MACROD2: variants seen among roughly 807,000 people sequenced by gnomAD.
MACROD2 encodes mono-ADP ribosylhydrolase 2.
In MACROD2, 36 loss-of-function variants were observed where a neutral mutation model predicts 70.4. The observed-to-expected ratio is 0.51, with a 90% confidence interval of 0.39 to 0.68. The LOEUF is 0.68. MACROD2 is among the 30% of genes least tolerant of loss of function. The pLI, the probability that MACROD2 is intolerant of heterozygous loss-of-function variation, is 0.00. For missense variants in MACROD2, 496 were observed against 538.4 expected, an observed-to-expected ratio of 0.92 and a Z score of 0.78; for synonymous variants, 172 against 178.8, an observed-to-expected ratio of 0.96 and a Z score of 0.30.
intron 5 of MACROD2, among the ~76,000 whole-genome samples, chr20:15,082,979 C>T (rs956177173): frequency 1.3e-5 from 2 of 152,148 alleles, no homozygotes; most frequent in African/African-American, 2.4e-5. Context: ...CCTGAAGTTT[C>T]GTTCACCCTG....
At chr20:15,545,394 C>T (rs752216778) in intron 8 of MACROD2, among the ~76,000 whole-genome samples, 3 of 152,076 alleles carry the variant, frequency 2.0e-5, no homozygotes, top group African/African-American at 7.2e-5. Context: ...CATATTTAGT[C>T]CTAATTTCTT....
chr20:15,013,793 C>T (rs1371327402), intron 5 of MACROD2, among the ~76,000 whole-genome samples: 1 of 152,166 alleles, frequency 6.6e-6, no homozygotes, highest in Non-Finnish European at 1.5e-5. Flanking sequence ...TCCAGGGAGC[C>T]CAACCTACAA....
Position 14,874,246 on chromosome 20 carries a change from C to A in MACROD2, c.418+189287C>A, listed in dbSNP as rs454965. On this transcript the variant is annotated intron_variant, in intron 5 of 17. Transcript: ENST00000684519. ...AATCACAGAACCAGTAAAGAAATATCTGTGACTTGAGGGTCTCAGGAAGGC... is the reference window on the plus strand; with the variant it reads ...AATCACAGAACCAGTAAAGAAATATATGTGACTTGAGGGTCTCAGGAAGGC... 3.3e-3 allele frequency among the ~76,000 whole-genome samples: 501 copies of A among 151,834 alleles called. 1 individual carries two copies. The highest frequency in any genetic ancestry group is 5.9e-3 in the Non-Finnish European group (404 of 67,950).
rs546468063 is a variant in MACROD2 at position 15,151,359 on chromosome 20, C to T, written c.419-78581C>T. Reference sequence around the variant, plus strand: ...GCTGCGGTTCAGGCGTTTGGAAGTTCTTGTGTGCTGGAGATGTGGCTGGGG... The same window carrying T: ...GCTGCGGTTCAGGCGTTTGGAAGTTTTTGTGTGCTGGAGATGTGGCTGGGG... On this transcript the variant is annotated intron_variant, in intron 5 of 17. Transcript: ENST00000684519. 6.3e-3 allele frequency among the ~76,000 whole-genome samples: 964 copies of T among 152,070 alleles called. 8 individuals are homozygous for T. Among genetic ancestry groups the T allele is most frequent in the Non-Finnish European group, 0.011 (714 of 67,998 alleles).
At chr20:14,341,606 C>T (rs2083013620) in intron 3 of MACROD2, among the ~76,000 whole-genome samples, 1 of 152,060 alleles carries the variant, frequency 6.6e-6, no homozygotes, top group Non-Finnish European at 1.5e-5. Flanking sequence ...ACCATGCACT[C>T]CAGCTTGGGC....
intron 4 of MACROD2, among the ~76,000 whole-genome samples, chr20:14,529,493 A>G (rs1015205973): frequency 2.6e-5 from 4 of 152,218 alleles, no homozygotes; most frequent in African/African-American, 9.6e-5. Flanking sequence ...TTATATGACA[A>G]TAATTTTCAT....
intron 3 of MACROD2, among the ~76,000 whole-genome samples, chr20:14,278,062 G>A (rs1210726328): frequency 6.6e-6 from 1 of 152,210 alleles, no homozygotes; most frequent in Non-Finnish European, 1.5e-5. Flanking sequence ...AGACAAGTGA[G>A]AGGAGTTATA....
intron 8 of MACROD2, among the ~76,000 whole-genome samples, chr20:15,751,849 G>A (rs2051275412): frequency 1.3e-5 from 2 of 150,924 alleles, no homozygotes; most frequent in South Asian, 4.2e-4. Flanking sequence ...GGTTGCAGCT[G>A]GTTTTTGTGT....
At chr20:14,969,569 C>T (rs940321066) in intron 5 of MACROD2, among the ~76,000 whole-genome samples, 2 of 151,758 alleles carry the variant, frequency 1.3e-5, no homozygotes, top group Admixed American at 6.6e-5. Context: ...TCTTTGTAGT[C>T]GTAAGAAAAA....
intron 15 of MACROD2, among the ~76,000 whole-genome samples, chr20:16,016,799 C>T (rs2066936015): frequency 6.6e-6 from 1 of 152,198 alleles, no homozygotes; most frequent in Non-Finnish European, 1.5e-5. Context: ...ATCTGCAATT[C>T]TTAGTCTCCT....
At position 14,685,102 on chromosome 20, in the gene MACROD2, C is replaced by T. The variant is rs1029717211; in HGVS notation, c.418+143C>T. The T allele has an allele frequency of 2.6e-5, 15 of 578,250 alleles. No homozygotes were observed. In the Admixed American group the frequency reaches 3.5e-4, roughly 14 times the overall value. The allele number at this position is 578,250 out of a possible 1,614,324, so 35.8% of individuals were successfully genotyped here. On this transcript the variant is annotated intron_variant, in intron 5 of 17. Transcript: ENST00000684519. ...CAGATTTTGTACATGGTAATAAAAACGTGCTTTCCAAGTATGTCTCCAAAT... is the reference window on the plus strand; with the variant it reads ...CAGATTTTGTACATGGTAATAAAAATGTGCTTTCCAAGTATGTCTCCAAAT...
intron 8 of MACROD2, among the ~76,000 whole-genome samples, chr20:15,707,825 A>C (rs1230512854): frequency 6.6e-6 from 1 of 152,004 alleles, no homozygotes; most frequent in Non-Finnish European, 1.5e-5. Context: ...AACGTAAAAA[A>C]AAAAATCCCT....
intron 5 of MACROD2, among the ~76,000 whole-genome samples, chr20:14,824,100 A>G (rs543882412): frequency 6.6e-6 from 1 of 152,236 alleles, no homozygotes; most frequent in African/African-American, 2.4e-5. Context: ...ATTTATCTAT[A>G]TGGTAATCAT....
Position 14,897,329 on chromosome 20 carries a change from TTCA to T in MACROD2, c.418+212374_418+212376del, listed in dbSNP as rs1203038201. 5.3e-5 allele frequency among the ~76,000 whole-genome samples: 8 copies of T among 152,210 alleles called. 2 individuals carry two copies. In the East Asian group the frequency reaches 1.5e-3, roughly 29 times the overall value. ...AGTCTTATCAAATTCTGAGATGAACTTCATCACTTATTTAAAAAAAATTTCCTG... is the reference window on the plus strand; with the variant it reads ...AGTCTTATCAAATTCTGAGATGAACTTCACTTATTTAAAAAAAATTTCCTG... On this transcript the variant is annotated intron_variant, in intron 5 of 17. Transcript: ENST00000684519.
chr20:14,240,370 C>A (rs988103488), intron 3 of MACROD2, among the ~76,000 whole-genome samples: 1 of 151,894 alleles, frequency 6.6e-6, no homozygotes, highest in African/African-American at 2.4e-5. Context: ...AATCATTATG[C>A]AAAAAAGAAA....
chr20:15,785,109 G>C (rs909819600), intron 8 of MACROD2, among the ~76,000 whole-genome samples: 4 of 147,300 alleles, frequency 2.7e-5, no homozygotes, highest in Admixed American at 1.4e-4. Flanking sequence ...CCGAGTTGGC[G>C]CCGCTGCACT....
intron 8 of MACROD2, among the ~76,000 whole-genome samples, chr20:15,738,397 G>A (rs2051056685): frequency 6.6e-6 from 1 of 152,184 alleles, no homozygotes; most frequent in Non-Finnish European, 1.5e-5. Context: ...TTGAGGCAGT[G>A]TCACAGAAGC....
chr20:14,520,589 A>G (rs941962299), intron 4 of MACROD2, among the ~76,000 whole-genome samples: 4 of 151,886 alleles, frequency 2.6e-5, no homozygotes, highest in African/African-American at 7.3e-5. Flanking sequence ...ACTAATCCAC[A>G]TATAATCTTT....
intron 2 of MACROD2, among the ~76,000 whole-genome samples, chr20:14,061,737 C>G (rs1432142030): frequency 6.6e-6 from 1 of 152,082 alleles, no homozygotes; most frequent in Admixed American, 6.5e-5. Flanking sequence ...AGTTACATAT[C>G]CTTCCATGTT....
Sources: gnomAD v4.1 joint callset for allele counts (sites outside exome capture counted in the v4.1 genomes callset) on GRCh38, gnomAD v4.1.1 for gene constraint, MANE v1.5 for transcripts, NCBI Gene and HGNC (gene_info 2026-07-23, HGNC 2026-07-21) for gene names.